SH3RF2: variants seen among roughly 807,000 people sequenced by gnomAD.
SH3RF2 encodes the protein SH3 domain containing ring finger 2.
SH3RF2 carries 43 observed loss-of-function variants against 59.0 expected under a neutral mutation model. That is an observed-to-expected ratio of 0.73 (90% CI 0.57 to 0.94). SH3RF2 has a LOEUF of 0.94. Ranked by LOEUF, SH3RF2 falls within the 40% of genes least tolerant of loss-of-function variation. The pLI is 0.00. For synonymous variants in SH3RF2, 391 were observed against 391.5 expected (o/e 1.00, Z 0.01); for missense variants, 930 against 940.1 (o/e 0.99, Z 0.14).
chr5:146,002,548 A>G (rs1271619859), intron 3 of SH3RF2, among the ~76,000 whole-genome samples: 1 of 150,614 alleles, frequency 6.6e-6, no homozygotes, highest in Non-Finnish European at 1.5e-5. Context: ...ATAACCTATA[A>G]ATGCATAATT....
At chr5:146,003,945 C>A in intron 3 of SH3RF2, 113 bp from the exon 4 acceptor site, 1 of 729,710 alleles carries the variant, frequency 1.4e-6, no homozygotes, top group Non-Finnish European at 2.1e-6. Flanking sequence ...AAATCAAGCA[C>A]AAGCTACATT....
At chr5:146,015,602 C>T (rs761170697) in intron 5 of SH3RF2, among the ~76,000 whole-genome samples, 4 of 152,194 alleles carry the variant, frequency 2.6e-5, no homozygotes, top group Non-Finnish European at 4.4e-5. Context: ...TAAGCTAGCT[C>T]ACTCAGCTCT....
chr5:146,003,915 A>C, intron 3 of SH3RF2, 143 bp from the exon 4 acceptor site: 1 of 526,524 alleles, frequency 1.9e-6, no homozygotes, highest in East Asian at 3.5e-5. Flanking sequence ...AGTTCATTTT[A>C]GCAAAAAGAC....
At position 146,059,983 on chromosome 5, in the gene SH3RF2, G is replaced by A. The variant is rs868548104; in HGVS notation, c.1673G>A (p.Gly558Glu). The change falls in exon 9 of 10, where the codon GGG becomes GAG. Residue 558 changes from glycine to glutamate, a missense_variant. Gly to Glu is a moderately conservative substitution (Grantham distance 98). Coordinates refer to ENST00000359120, the MANE Select transcript of SH3RF2 (RefSeq NM_152550.4). ...CAGTTCCAATTCTACCAGCCACAGG[G>A]GATCCCCTCCTCCCCCTCAGCCGTG... is the stretch of plus-strand genomic sequence containing the variant. ...PQQFQFYQPQGIPSSPSAVVV... is the reference protein window; with the variant it reads ...PQQFQFYQPQEIPSSPSAVVV... The A allele has an allele frequency of 6.3e-7, 1 of 1,585,176 alleles. No homozygotes were observed. The highest frequency in any genetic ancestry group is 8.6e-7 in the Non-Finnish European group (1 of 1,164,534).
At position 146,020,385 on chromosome 5, in the gene SH3RF2, C is replaced by G. The variant is rs567151282; in HGVS notation, c.1059+6324C>G. ...ACCTCTTTGCTTTTTGTCCTTGTAC[C>G]CAGCACAATGCCTGCATTATTCTGG... On this transcript the variant is annotated intron_variant, in intron 5 of 9. Transcript: ENST00000359120. Among the ~76,000 whole-genome samples the G allele has an allele frequency of 4.9e-4, 74 of 152,222 alleles. 1 individual carries two copies. Among genetic ancestry groups the G allele is most frequent in the African/African-American group, 1.8e-3 (73 of 41,538 alleles).
At chr5:145,955,442 A>G (rs1266552422) in intron 2 of SH3RF2, among the ~76,000 whole-genome samples, 1 of 152,190 alleles carries the variant, frequency 6.6e-6, no homozygotes, top group African/African-American at 2.4e-5. Flanking sequence ...TTGAAAAACT[A>G]TCTATTGGGT....
intron 5 of SH3RF2, among the ~76,000 whole-genome samples, chr5:146,039,294 G>C (rs1188579216): frequency 2.0e-5 from 3 of 152,092 alleles, no homozygotes; most frequent in Non-Finnish European, 2.9e-5. Flanking sequence ...TTGTGAATTT[G>C]ACTATATGAA....
chr5:146,005,163 C>T (rs1349452600), intron 4 of SH3RF2, among the ~76,000 whole-genome samples: 1 of 151,518 alleles, frequency 6.6e-6, no homozygotes, highest in Non-Finnish European at 1.5e-5. Flanking sequence ...GAAAAATCTT[C>T]TTTAAAAAAA....
chr5:146,053,609 C>G (rs967792235), intron 7 of SH3RF2, among the ~76,000 whole-genome samples: 1 of 152,170 alleles, frequency 6.6e-6, no homozygotes, highest in African/African-American at 2.4e-5. Flanking sequence ...GAACACCAGC[C>G]ACAGCATATG....
intron 5 of SH3RF2, among the ~76,000 whole-genome samples, chr5:146,022,566 T>C (rs1761362850): frequency 6.6e-6 from 1 of 152,046 alleles, no homozygotes; most frequent in African/African-American, 2.4e-5. Context: ...ATGATTCCAT[T>C]ATCACACACT....
intron 5 of SH3RF2, among the ~76,000 whole-genome samples, chr5:146,030,044 C>G (rs1411883944): frequency 6.6e-6 from 1 of 152,162 alleles, no homozygotes; most frequent in African/African-American, 2.4e-5. Context: ...GACACTTCAG[C>G]TAGGGAAGCC....
At chr5:145,984,801 T>A (rs952395405) in intron 2 of SH3RF2, among the ~76,000 whole-genome samples, 3 of 152,230 alleles carry the variant, frequency 2.0e-5, no homozygotes, top group Admixed American at 6.5e-5. Context: ...ATGAGAAGAA[T>A]GCTCTGAATT....
intron 2 of SH3RF2, among the ~76,000 whole-genome samples, chr5:145,942,038 G>A (rs547643530): frequency 4.5e-4 from 69 of 152,236 alleles, no homozygotes; most frequent in Non-Finnish European, 5.6e-4. Flanking sequence ...CACATGATCC[G>A]TGGCCATGAT....
In SH3RF2 at chr5:146,006,799, A is replaced by C. The variant is rs575224822; in HGVS notation, c.744+2646A>C. Among the ~76,000 whole-genome samples the C allele has an allele frequency of 9.8e-5, 15 of 152,334 alleles. 3 individuals carry two copies. Among genetic ancestry groups the C allele is most frequent in the African/African-American group, 3.6e-4 (15 of 41,580 alleles). ...AAAGAAAATGTTATTCCTCACCTAAATTCCATGTTCAGTGCAGAGTGATGA... is the reference window on the plus strand; with the variant it reads ...AAAGAAAATGTTATTCCTCACCTAACTTCCATGTTCAGTGCAGAGTGATGA... On this transcript the variant is annotated intron_variant, in intron 4 of 9. Coordinates refer to ENST00000359120, the MANE Select transcript of SH3RF2 (RefSeq NM_152550.4).
intron 5 of SH3RF2, among the ~76,000 whole-genome samples, chr5:146,042,741 C>A (rs987623766): frequency 6.6e-6 from 1 of 152,214 alleles, no homozygotes. Flanking sequence ...TGGAAATTCC[C>A]AGAAGCCATA....
chr5:145,986,374 G>A (rs1025824466), intron 2 of SH3RF2, among the ~76,000 whole-genome samples: 18 of 152,134 alleles, frequency 1.2e-4, no homozygotes, highest in Non-Finnish European at 2.2e-4. Context: ...TCTGCATGGT[G>A]TATTTGGCTC....
chr5:146,064,850 AAGAAAGAAAGAAAG>A (rs1448859523), downstream of SH3RF2, among the ~76,000 whole-genome samples: 1,470 of 21,418 alleles, frequency 0.069, 149 homozygotes, highest in Non-Finnish European at 0.21. Context: ...GAAAGAAAGA[AAGAAAGAAAGAAAG>A]AGAAAGAAAA....
chr5:146,057,946 CTCTCTCTCTCTCTCTCTCTCTCTA>C (rs1237964750), intron 8 of SH3RF2, among the ~76,000 whole-genome samples: 1 of 128,592 alleles, frequency 7.8e-6, no homozygotes, highest in African/African-American at 2.8e-5. Context: ...CTCTCTCTCT[CTCTCTCTCTCTCTCTCTCTCTCTA>C]TCTATCTATC....
chr5:146,051,020 A>G (rs1452402697), intron 7 of SH3RF2, among the ~76,000 whole-genome samples: 3 of 152,208 alleles, frequency 2.0e-5, no homozygotes, highest in Non-Finnish European at 4.4e-5. Flanking sequence ...GGATCACCTG[A>G]GGTCAGGAGT....
Sources: gnomAD v4.1 joint callset for allele counts (sites outside exome capture counted in the v4.1 genomes callset) on GRCh38, gnomAD v4.1.1 for gene constraint, MANE v1.5 for transcripts, NCBI Gene and HGNC (gene_info 2026-07-23, HGNC 2026-07-21) for gene names.